The following TGM4 variants were observed in gnomAD, a reference collection of about 807,000 sequenced individuals.
The protein encoded by TGM4 is protein-glutamine gamma-glutamyltransferase 4.
A neutral mutation model predicts 76.3 loss-of-function variants in TGM4; 61 were observed. That is an observed-to-expected ratio of 0.80 (90% CI 0.65 to 0.99). TGM4 has a LOEUF of 0.99. Among genes scored for constraint, TGM4 ranks in the 50% least tolerant of loss-of-function variants. The probability of loss-of-function intolerance (pLI) is 0.00; values close to 1 mark genes in which losing one functional copy is unlikely to be tolerated. For synonymous variants in TGM4, 337 were observed against 329.8 expected (o/e 1.02, Z -0.24); for missense variants, 794 against 843.2 (o/e 0.94, Z 0.72).
In TGM4 at chr3:44,885,329, G is replaced by A. The variant is rs1422105124; in HGVS notation, c.24G>A (p.Leu8=). ...CATGTGCTGCGTTGCTGACAGAGCT[G>A]CAAGTTCTCCACATTGACTTCTTGA... MMDASKE[L]QVLHIDFLNQ... is the part of the protein sequence containing the mutation. The change falls in exon 2 of 14, where the codon CTG becomes CTA. Residue 8 remains leucine (L), a synonymous_variant. Coordinates refer to ENST00000296125, the MANE Select transcript of TGM4 (RefSeq NM_003241.4). The A allele has an allele frequency of 1.9e-6, 3 of 1,605,612 alleles. No homozygotes were observed. Among genetic ancestry groups the A allele is most frequent in the Admixed American group, 1.7e-5 (1 of 59,804 alleles).
chr3:44,878,753 AT>A (rs1238452003), intron 1 of TGM4, among the ~76,000 whole-genome samples: 1 of 152,098 alleles, frequency 6.6e-6, no homozygotes, highest in Non-Finnish European at 1.5e-5. Context: ...AAATGCTGGG[AT>A]TACAGGCGTG....
At chr3:44,912,028 C>A (rs1056123493) in intron 13 of TGM4, among the ~76,000 whole-genome samples, 1 of 151,950 alleles carries the variant, frequency 6.6e-6, no homozygotes. Context: ...ACGGGGTTTC[C>A]CCATATTGGC....
intron 1 of TGM4, 91 bp from the exon 2 acceptor site, chr3:44,885,234 A>G: frequency 7.3e-7 from 1 of 1,362,280 alleles, no homozygotes; most frequent in South Asian, 1.4e-5. Context: ...GCTCCACCTC[A>G]ATGCACTCTC....
At chr3:44,893,094 A>G (rs374114824) in intron 4 of TGM4, among the ~76,000 whole-genome samples, 6 of 152,284 alleles carry the variant, frequency 3.9e-5, no homozygotes, top group African/African-American at 1.4e-4. Flanking sequence ...AGACCATCCA[A>G]ACATCCTGAT....
chr3:44,895,041 A>G (rs1439146476), intron 5 of TGM4, among the ~76,000 whole-genome samples: 1 of 152,148 alleles, frequency 6.6e-6, no homozygotes, highest in Non-Finnish European at 1.5e-5. Flanking sequence ...CACACCTGTA[A>G]TCCCAGCACT....
rs954785520 is a variant in TGM4, at chr3:44,904,009, G to T, written c.1075+22G>T. The stretch of plus-strand genomic sequence containing the variant: ...CAGGGTGAGTGGGTGGCAGGAAGGC[G>T]CTGGGCATCCATGCTGCTCTCCTTA... On this transcript the variant is annotated intron_variant, in intron 9 of 13. Transcript: ENST00000296125. 10 of 1,601,096 alleles carry T rather than the reference G, an allele frequency of 6.2e-6. No homozygotes were observed. The East Asian group carries it at 1.1e-4, about 18-fold the overall frequency.
chr3:44,880,554 ATGTGATTTCT>A (rs1412989389), intron 1 of TGM4, among the ~76,000 whole-genome samples: 1 of 152,142 alleles, frequency 6.6e-6, no homozygotes, highest in Non-Finnish European at 1.5e-5. Context: ...GGGTGGGGGA[ATGTGATTTCT>A]TGTGGCAAAA....
At chr3:44,904,086 AG>A in intron 9 of TGM4, 99 bp downstream of exon 9, 1 of 1,081,694 alleles carries the variant, frequency 9.2e-7, no homozygotes, top group Non-Finnish European at 1.4e-6. Flanking sequence ...AGGTGGGGAA[AG>A]TTTTCATAAA....
chr3:44,902,146 G>A (rs1249908907), intron 8 of TGM4, among the ~76,000 whole-genome samples: 1 of 152,098 alleles, frequency 6.6e-6, no homozygotes, highest in Non-Finnish European at 1.5e-5. Flanking sequence ...CAGTCTCCAG[G>A]CCCTCCCAAC....
chr3:44,894,461 A>C (rs1184845625), intron 5 of TGM4, among the ~76,000 whole-genome samples: 1 of 136,774 alleles, frequency 7.3e-6, no homozygotes, highest in Non-Finnish European at 1.6e-5. Context: ...ACAAGGAAGC[A>C]CTGTTACAAG....
chr3:44,910,064 G>GGAA (rs1351380135), intron 10 of TGM4, 26 bp from the exon 11 acceptor site: 1 of 1,603,880 alleles, frequency 6.2e-7, no homozygotes, highest in Non-Finnish European at 8.5e-7. Context: ...AGCACCTGAA[G>GGAA]GAAGCTGCCT....
intron 6 of TGM4, among the ~76,000 whole-genome samples, chr3:44,897,912 T>C (rs939081044): frequency 2.6e-5 from 4 of 152,232 alleles, no homozygotes; most frequent in African/African-American, 9.6e-5. Context: ...AGCTGGAATT[T>C]CATATCTGCT....
At chr3:44,904,722 C>T (rs1352503536) in intron 9 of TGM4, among the ~76,000 whole-genome samples, 1 of 152,184 alleles carries the variant, frequency 6.6e-6, no homozygotes, top group African/African-American at 2.4e-5. Context: ...CTCACTGTTG[C>T]CCAGGCTGGA....
intron 3 of TGM4, among the ~76,000 whole-genome samples, chr3:44,889,436 C>A (rs1309369675): frequency 1.3e-5 from 2 of 151,932 alleles, no homozygotes; most frequent in African/African-American, 4.8e-5. Context: ...TTCCTGAAGT[C>A]AAAAGCCATC....
rs992947868 is a variant in TGM4 at position 44,903,750 on chromosome 3, A to G, written c.972-134A>G. On this transcript the variant is annotated intron_variant, in intron 8 of 13. Transcript: ENST00000296125. Reference sequence around the variant, plus strand: ...TGGCCCCTTCCTTGCCAGTGTTGACAAAGGTTCCCAAACCCCTGAGAACAA... The same window carrying G: ...TGGCCCCTTCCTTGCCAGTGTTGACGAAGGTTCCCAAACCCCTGAGAACAA... 17 of 810,910 alleles carry G rather than the reference A, an allele frequency of 2.1e-5. No homozygotes were observed. The Admixed American group carries it at 3.0e-4, about 14-fold the overall frequency. The allele number at this position is 810,910 out of a possible 1,614,324, so 50.2% of individuals were successfully genotyped here.
chr3:44,896,044 A>C (rs921052285), intron 5 of TGM4, among the ~76,000 whole-genome samples: 29 of 152,218 alleles, frequency 1.9e-4, no homozygotes. Flanking sequence ...TAAGGCTTAC[A>C]TAGTTGTAAT....
At chr3:44,901,487 G>C in intron 6 of TGM4, 37 bp from the exon 7 acceptor site, 1 of 1,563,616 alleles carries the variant, frequency 6.4e-7, no homozygotes, top group Non-Finnish European at 8.7e-7. Flanking sequence ...GTTCTTCTGA[G>C]GGGCGGACAC....
intron 1 of TGM4, 119 bp from the exon 2 acceptor site, chr3:44,885,206 G>T (rs1286375005): frequency 9.8e-6 from 10 of 1,020,104 alleles, no homozygotes; most frequent in Non-Finnish European, 1.4e-5. Context: ...GAGCAGGGAT[G>T]CCCGACTCTA....
chr3:44,913,602 G>A lies in TGM4; in HGVS notation c.1932G>A (p.Glu644=), dbSNP rs202035829. The change falls in exon 14 of 14, where the codon GAG becomes GAA. Residue 644 remains glutamate, a synonymous_variant. Transcript: ENST00000296125. ...TSDHGTVQPG[E]TIQSQIKCTP... ...TTTCCAGGACGGTGCAGCCTGGTGA[G>A]ACCATCCAATCCCAAATAAAATGCA... 7.4e-6 allele frequency: 12 copies of A among 1,614,064 alleles called. No individual in the cohort carries two copies. In the Admixed American group the frequency reaches 1.7e-4, roughly 22 times the overall value.
Sources: gnomAD v4.1 joint callset for allele counts (sites outside exome capture counted in the v4.1 genomes callset) on GRCh38, gnomAD v4.1.1 for gene constraint, MANE v1.5 for transcripts, NCBI Gene and HGNC (gene_info 2026-07-23, HGNC 2026-07-21) for gene names.